The following HMGCLL1 variants were observed in gnomAD, a reference collection of about 807,000 sequenced individuals.
The protein encoded by HMGCLL1 is 3-hydroxy-3-methylglutaryl-CoA lyase like 1.
HMGCLL1 carries 36 observed loss-of-function variants against 39.1 expected under a neutral mutation model. The observed-to-expected ratio is 0.92, with a 90% CI of 0.71 to 1.22. HMGCLL1 has a LOEUF of 1.22. Among genes scored for constraint, HMGCLL1 ranks in the 50% most tolerant of loss-of-function variants. HMGCLL1 has a pLI of 0.00. For synonymous variants in HMGCLL1, 149 were observed against 144.0 expected (o/e 1.03, Z -0.25); for missense variants, 451 against 416.5 (o/e 1.08, Z -0.72).
intron 2 of HMGCLL1, 35 bp from the exon 3 acceptor site, chr6:55,541,871 T>A (rs1489423911): frequency 8.2e-7 from 1 of 1,222,636 alleles, no homozygotes; most frequent in East Asian, 2.4e-5. Flanking sequence ...AAGTAAATTG[T>A]ATAGGTCCTA....
chr6:55,622,178 C>T, the HMGCLL1 span, among the ~76,000 whole-genome samples: 2 of 151,914 alleles, frequency 1.3e-5, no homozygotes, highest in Non-Finnish European at 2.9e-5. Context: ...TTGGTAGAGT[C>T]ATTGTTTTTT....
the HMGCLL1 span, among the ~76,000 whole-genome samples, chr6:55,655,534 T>TCGTAGATA: frequency 1.9e-5 from 1 of 52,070 alleles, no homozygotes; most frequent in Non-Finnish European, 4.1e-5. Context: ...GTAGTTATAT[T>TCGTAGATA]GGTAGATAGA....
intron 7 of HMGCLL1, 22 bp from the exon 8 acceptor site, chr6:55,439,581 C>A (rs368293693): frequency 1.6e-5 from 26 of 1,608,138 alleles, no homozygotes; most frequent in Non-Finnish European, 2.1e-5. Flanking sequence ...ACCAAACCAC[C>A]TAAAGCTTGT....
intron 7 of HMGCLL1, among the ~76,000 whole-genome samples, chr6:55,440,611 G>A (rs550394611): frequency 1.3e-5 from 2 of 152,172 alleles, no homozygotes; most frequent in East Asian, 3.9e-4. Context: ...ATACAGTAAA[G>A]CCTAATCCGA....
At chr6:55,461,066 T>C (rs1764539972) in intron 7 of HMGCLL1, among the ~76,000 whole-genome samples, 1 of 151,944 alleles carries the variant, frequency 6.6e-6, no homozygotes, top group African/African-American at 2.4e-5. Context: ...ATAATTTAAC[T>C]CTCTGCCCTG....
At chr6:55,625,955 T>G in the HMGCLL1 span, among the ~76,000 whole-genome samples, 1 of 152,120 alleles carries the variant, frequency 6.6e-6, no homozygotes, top group Admixed American at 6.5e-5. Context: ...CTGCCATTGC[T>G]CCATGGACCC....
chr6:55,563,249 T>C (rs532895642), intron 1 of HMGCLL1, among the ~76,000 whole-genome samples: 4 of 152,264 alleles, frequency 2.6e-5, no homozygotes, highest in Admixed American at 1.3e-4. Flanking sequence ...ATTAGTGATC[T>C]AAGAAGTATT....
chr6:55,572,022 G>GA (rs11413254), intron 1 of HMGCLL1, among the ~76,000 whole-genome samples: 48,961 of 151,870 alleles, frequency 0.32, 8,218 homozygotes, highest in South Asian at 0.49. Flanking sequence ...TGCTAATGTA[G>GA]AAAAAGTAGA....
chr6:55,447,833 A>T (rs1386987860), intron 7 of HMGCLL1, among the ~76,000 whole-genome samples: 1 of 152,136 alleles, frequency 6.6e-6, no homozygotes, highest in African/African-American at 2.4e-5. Flanking sequence ...AGGCAAGGTA[A>T]GAATGCAAAT....
chr6:55,443,643 T>C (rs1763698913), intron 7 of HMGCLL1, among the ~76,000 whole-genome samples: 1 of 151,338 alleles, frequency 6.6e-6, no homozygotes, highest in Admixed American at 6.6e-5. Flanking sequence ...ATGACCAATG[T>C]CACACTAGAG....
intron 1 of HMGCLL1, among the ~76,000 whole-genome samples, chr6:55,559,048 T>C (rs1770810460): frequency 6.6e-6 from 1 of 152,110 alleles, no homozygotes; most frequent in South Asian, 2.1e-4. Context: ...CAGACACATT[T>C]TGACTTCTCA....
the HMGCLL1 span, among the ~76,000 whole-genome samples, chr6:55,673,761 T>C: frequency 1.3e-5 from 2 of 151,984 alleles, no homozygotes; most frequent in African/African-American, 4.8e-5. Flanking sequence ...CTTTTCCTGC[T>C]CATTGTGTGT....
intron 7 of HMGCLL1, among the ~76,000 whole-genome samples, chr6:55,465,379 T>C (rs1404039987): frequency 6.6e-6 from 1 of 152,066 alleles, no homozygotes; most frequent in Non-Finnish European, 1.5e-5. Flanking sequence ...TATATGAAAA[T>C]CAAAGAGAAT....
Position 55,495,476 on chromosome 6 carries a change from A to G in HMGCLL1, c.738T>C (p.Ala246=). 1 of 1,614,114 alleles carries G rather than the reference A, an allele frequency of 6.2e-7. No individual in the cohort carries two copies. Among genetic ancestry groups the G allele is most frequent in the Admixed American group, 1.7e-5 (1 of 60,006 alleles). Residue 246 remains alanine (A), a synonymous_variant, in exon 7 of 9, where the codon GCT becomes GCC. Coordinates refer to ENST00000274901, the MANE Select transcript of HMGCLL1 (RefSeq NM_001042406.2). ...VMKEIPPGAL[A]VHCHDTYGQA... is the part of the protein sequence containing the mutation. ...GTCCGTATGTGTCATGACAGTGAACAGCAAGAGCACCTGGTGGGATTTCTT... is the reference window on the plus strand; with the variant it reads ...GTCCGTATGTGTCATGACAGTGAACGGCAAGAGCACCTGGTGGGATTTCTT...
At chr6:55,454,412 C>T (rs1473102958) in intron 7 of HMGCLL1, among the ~76,000 whole-genome samples, 1 of 152,190 alleles carries the variant, frequency 6.6e-6, no homozygotes, top group Non-Finnish European at 1.5e-5. Flanking sequence ...GGTAACAGGG[C>T]AGCAAAGGCT....
chr6:55,452,537 T>C (rs1324439422), intron 7 of HMGCLL1, among the ~76,000 whole-genome samples: 1 of 152,198 alleles, frequency 6.6e-6, no homozygotes, highest in Non-Finnish European at 1.5e-5. Context: ...ACCAGCTTTG[T>C]TTTTGGAAGT....
intron 7 of HMGCLL1, among the ~76,000 whole-genome samples, chr6:55,474,674 A>G (rs1049436353): frequency 4.6e-5 from 7 of 151,228 alleles, no homozygotes; most frequent in African/African-American, 1.7e-4. Flanking sequence ...TTGGCTTTTC[A>G]TCTGCCTTTG....
chr6:55,585,864 T>G, the HMGCLL1 span, among the ~76,000 whole-genome samples: 11 of 152,108 alleles, frequency 7.2e-5, no homozygotes, highest in East Asian at 2.1e-3. Flanking sequence ...CCTTCTTGGC[T>G]TTAAATACCT....
At chr6:55,471,141 A>C (rs1765027473) in intron 7 of HMGCLL1, among the ~76,000 whole-genome samples, 1 of 151,764 alleles carries the variant, frequency 6.6e-6, no homozygotes, top group Admixed American at 6.6e-5. Flanking sequence ...ATGATTGGTA[A>C]ATTTGTCTTT....
Sources: gnomAD v4.1 joint callset for allele counts (sites outside exome capture counted in the v4.1 genomes callset) on GRCh38, gnomAD v4.1.1 for gene constraint, MANE v1.5 for transcripts, NCBI Gene and HGNC (gene_info 2026-07-23, HGNC 2026-07-21) for gene names.